PEX14: variants seen among roughly 807,000 people sequenced by gnomAD.
PEX14 encodes the protein peroxisomal biogenesis factor 14.
PEX14 carries 15 observed loss-of-function variants against 49.5 expected under a neutral mutation model. The observed-to-expected ratio is 0.30, with a 90% CI of 0.20 to 0.47. PEX14 has a LOEUF of 0.47. Ranked by LOEUF, PEX14 falls within the 20% of genes least tolerant of loss-of-function variation. The pLI is 1.00. For synonymous variants in PEX14, 210 were observed against 212.7 expected (o/e 0.99, Z 0.11); for missense variants, 398 against 494.8 (o/e 0.80, Z 1.86).
chr1:10,489,605 G>A (rs1353808551), intron 1 of PEX14, among the ~76,000 whole-genome samples: 2 of 152,184 alleles, frequency 1.3e-5, no homozygotes, highest in Non-Finnish European at 2.9e-5. Flanking sequence ...TTCACCCTAT[G>A]CATGCACAAA....
chr1:10,583,152 A>G (rs186961420), intron 3 of PEX14, among the ~76,000 whole-genome samples: 18 of 151,588 alleles, frequency 1.2e-4, no homozygotes, highest in African/African-American at 4.1e-4. Flanking sequence ...ACCCCTCCGG[A>G]CCTCTCAAAA....
At chr1:10,582,461 C>G (rs1205927651) in intron 3 of PEX14, among the ~76,000 whole-genome samples, 1 of 152,062 alleles carries the variant, frequency 6.6e-6, no homozygotes. Context: ...GTTTGACAAC[C>G]AGAGGAGTAT....
chr1:10,567,848 C>T (rs28663566), intron 3 of PEX14, among the ~76,000 whole-genome samples: 6,728 of 152,042 alleles, frequency 0.044, 329 homozygotes, highest in African/African-American at 0.11. Context: ...CCAGGCTGGT[C>T]GCAAACTCCT....
At chr1:10,507,357 G>A (rs1641802720) in intron 2 of PEX14, among the ~76,000 whole-genome samples, 1 of 152,288 alleles carries the variant, frequency 6.6e-6, no homozygotes, top group African/African-American at 2.4e-5. Context: ...CCGATGCTCA[G>A]TGCTGCCTGG....
intron 4 of PEX14, among the ~76,000 whole-genome samples, chr1:10,603,755 A>G (rs1641050734): frequency 6.6e-6 from 1 of 152,250 alleles, no homozygotes; most frequent in Non-Finnish European, 1.5e-5. Context: ...GCTTTGAGAT[A>G]TAAGCAGGAC....
At chr1:10,491,471 C>G (rs1570144216) in intron 1 of PEX14, among the ~76,000 whole-genome samples, 1 of 150,298 alleles carries the variant, frequency 6.7e-6, no homozygotes, top group Non-Finnish European at 1.5e-5. Flanking sequence ...ATCTCTGCCT[C>G]CTGGGATCAA....
chr1:10,559,084 A>G (rs976573924), intron 3 of PEX14, among the ~76,000 whole-genome samples: 4 of 152,144 alleles, frequency 2.6e-5, no homozygotes, highest in South Asian at 2.1e-4. Context: ...AGGTTTTCTC[A>G]GTAGCATATC....
chr1:10,579,898 T>A (rs145973155), intron 3 of PEX14, among the ~76,000 whole-genome samples: 183 of 152,106 alleles, frequency 1.2e-3, no homozygotes, highest in African/African-American at 4.2e-3. Context: ...TTAGAATGCC[T>A]CAGCTGTTTG....
intron 5 of PEX14, among the ~76,000 whole-genome samples, chr1:10,618,640 C>T (rs1455073624): frequency 6.6e-6 from 1 of 150,964 alleles, no homozygotes; most frequent in African/African-American, 2.4e-5. Flanking sequence ...CAGTGCTCAG[C>T]ATATACCACC....
At position 10,558,981 on chromosome 1, in the gene PEX14, T is replaced by G. The variant is rs1407493237; in HGVS notation, c.169+22684T>G. Among the ~76,000 whole-genome samples the G allele has an allele frequency of 3.9e-5, 6 of 152,218 alleles. No individual in the cohort carries two copies. In the East Asian group the frequency reaches 1.2e-3, roughly 29 times the overall value. On this transcript the variant is annotated intron_variant, in intron 3 of 8. Coordinates refer to ENST00000356607, the MANE Select transcript of PEX14 (RefSeq NM_004565.3). ...TATTTCCATTATATTTTCTAATTGA[T>G]CTTTGCCAATAGTTAGGAAAGCTGT... is the stretch of plus-strand genomic sequence containing the variant.
At chr1:10,583,383 CTTTTTTT>C (rs34977896) in intron 3 of PEX14, among the ~76,000 whole-genome samples, 1,597 of 127,946 alleles carry the variant, frequency 0.012, 33 homozygotes, top group African/African-American at 0.043. Context: ...TTGCACCCAG[CTTTTTTT>C]TTTTTTTTTT....
chr1:10,555,642 A>AGAGTGTGT (rs71583878), intron 3 of PEX14, among the ~76,000 whole-genome samples: 7 of 149,476 alleles, frequency 4.7e-5, no homozygotes, highest in African/African-American at 7.4e-5. Flanking sequence ...GCAAGGTGTG[A>AGAGTGTGT]GTGTGTGTGT....
intron 4 of PEX14, among the ~76,000 whole-genome samples, chr1:10,612,278 C>G (rs1641295847): frequency 6.6e-6 from 1 of 152,084 alleles, no homozygotes; most frequent in South Asian, 2.1e-4. Context: ...TGGCCTCTAT[C>G]AAAAATCAGT....
At chr1:10,618,075 G>A (rs1641478847) in intron 4 of PEX14, among the ~76,000 whole-genome samples, 1 of 152,196 alleles carries the variant, frequency 6.6e-6, no homozygotes, top group African/African-American at 2.4e-5. Flanking sequence ...TCAGCTCACT[G>A]CTAGATACCT....
rs1033698831 is a variant in PEX14 at position 10,512,574 on chromosome 1, G to A, written c.84+17253G>A. ...GCGTCGGTGGTTATATTCCACATTT[G>A]TCAAATCCTTAAATCCAACTGAACT... On this transcript the variant is annotated intron_variant, in intron 2 of 8. Transcript: ENST00000356607. This position sits in a 1 kb window ranked among gnomAD's most constrained non-coding sequence, Gnocchi z 4.6. Among the ~76,000 whole-genome samples, 5 of 152,110 alleles carry A rather than the reference G, an allele frequency of 3.3e-5. No homozygotes were observed. The highest frequency in any genetic ancestry group is 7.4e-5 in the Non-Finnish European group (5 of 68,018).
intron 3 of PEX14, among the ~76,000 whole-genome samples, chr1:10,548,309 T>C (rs1371076228): frequency 6.6e-6 from 1 of 152,214 alleles, no homozygotes. Context: ...ATTTATCTGC[T>C]AAGGGTAGAC....
In PEX14 at chr1:10,558,736, C is replaced by CAAAAA. The variant is rs34343338; in HGVS notation, c.169+22455_169+22459dup. On this transcript the variant is annotated intron_variant, in intron 3 of 8. Coordinates refer to ENST00000356607, the MANE Select transcript of PEX14 (RefSeq NM_004565.3). ...TGGGCGACAGAATGAGACCCTGTCT[C>CAAAAA]AAAAAAAAAAAAAAAAAAAAGAAAG... is the stretch of plus-strand genomic sequence containing the variant. 1.1e-4 allele frequency among the ~76,000 whole-genome samples: 13 copies of CAAAAA among 113,444 alleles called. No homozygotes were observed. The South Asian group carries it at 2.2e-3, about 19-fold the overall frequency. 74.4% of individuals were successfully genotyped at this position (113,444 alleles called of 152,430 possible).
intron 3 of PEX14, among the ~76,000 whole-genome samples, chr1:10,588,369 T>G (rs1640563787): frequency 6.6e-6 from 1 of 152,120 alleles, no homozygotes; most frequent in Non-Finnish European, 1.5e-5. Flanking sequence ...ATAAGAAGCT[T>G]TAGCAATAGT....
Position 10,567,386 on chromosome 1 carries a change from TTA to T in PEX14, c.169+31091_169+31092del, listed in dbSNP as rs577685230. 3.5e-4 allele frequency among the ~76,000 whole-genome samples: 54 copies of T among 152,394 alleles called. 1 individual carries two copies. The South Asian group carries it at 7.0e-3, about 20-fold the overall frequency. Reference sequence around the variant, plus strand: ...ATGTCACACTATCTTACATGTTTTATTATCTGTTAAAATTAATTTTGCCTCAG... The same window carrying T: ...ATGTCACACTATCTTACATGTTTTATTCTGTTAAAATTAATTTTGCCTCAG... On this transcript the variant is annotated intron_variant, in intron 3 of 8. Transcript: ENST00000356607.
Sources: gnomAD v4.1 joint callset for allele counts (sites outside exome capture counted in the v4.1 genomes callset) on GRCh38, gnomAD v4.1.1 for gene constraint, Gnocchi (gnomAD v3.1) non-coding constraint, MANE v1.5 for transcripts, NCBI Gene and HGNC (gene_info 2026-07-23, HGNC 2026-07-21) for gene names.